Variants in ADAMTS9 observed in about 807,000 individuals in gnomAD.
ADAMTS9 encodes the protein ADAM metallopeptidase with thrombospondin type 1 motif 9.
ADAMTS9 carries 107 observed loss-of-function variants against 257.1 expected under a neutral mutation model. The ratio of observed to expected loss-of-function variants is 0.42; its 90% confidence interval spans 0.36 to 0.49. The LOEUF (loss-of-function observed/expected upper bound fraction) is 0.49, where lower values mean the gene tolerates loss of function less well. Among genes scored for constraint, ADAMTS9 ranks in the 20% least tolerant of loss-of-function variants. ADAMTS9 has a pLI of 0.03. For missense variants in ADAMTS9, 2,353 were observed against 2,469.1 expected, an observed-to-expected ratio of 0.95 and a Z score of 1.00; for synonymous variants, 982 against 880.9, an observed-to-expected ratio of 1.11 and a Z score of -2.03.
chr3:64,657,115 T>C (rs1054609706), intron 4 of ADAMTS9, among the ~76,000 whole-genome samples: 1 of 152,098 alleles, frequency 6.6e-6, no homozygotes, highest in South Asian at 2.1e-4. Flanking sequence ...GCGAACATGT[T>C]TGCATAAGAA....
chr3:64,613,536 G>C (rs1161326720), intron 21 of ADAMTS9, 27 bp from the exon 22 acceptor site: 1 of 1,601,588 alleles, frequency 6.2e-7, no homozygotes, highest in Non-Finnish European at 8.5e-7. Context: ...AGCTAGTCAG[G>C]GTCATTTCTG....
intron 30 of ADAMTS9, among the ~76,000 whole-genome samples, chr3:64,558,931 G>A (rs535555912): frequency 1.8e-4 from 27 of 152,134 alleles, no homozygotes; most frequent in Admixed American, 1.6e-3. Context: ...AAGTGGAAAC[G>A]TGTGCCTGCA....
At chr3:64,665,960 G>A (rs61291706) in intron 3 of ADAMTS9, among the ~76,000 whole-genome samples, 1,649 of 152,166 alleles carry the variant, frequency 0.011, 24 homozygotes, top group African/African-American at 0.038. Flanking sequence ...AAATTCACTC[G>A]TGGAACATCG....
Position 64,539,213 on chromosome 3 carries a change from T to G in ADAMTS9, c.5603A>C (p.Lys1868Thr). Residue 1868 changes from lysine (K) to threonine (T), a missense_variant, in exon 37 of 40, where the codon AAG (lysine) becomes ACG (threonine). This residue lies in a region of ADAMTS9 where 1,402 missense variants were observed against 1,441.4 expected (regional missense o/e 0.97). Coordinates refer to ENST00000498707, the MANE Select transcript of ADAMTS9 (RefSeq NM_182920.2). Reference sequence around the variant, plus strand: ...GCACCAAGGACATACCTGTGGGCACTTGGCAGCGCTGTAGCAATCCCCGGC... The same window carrying G: ...GCACCAAGGACATACCTGTGGGCACGTGGCAGCGCTGTAGCAATCCCCGGC... ...ATAGDCYSAAKCPQGRFSINL... is the reference protein window; with the variant it reads ...ATAGDCYSAATCPQGRFSINL... 1 of 1,613,798 alleles carries G rather than the reference T, an allele frequency of 6.2e-7. No individual in the cohort carries two copies. The highest frequency in any genetic ancestry group is 8.5e-7 in the Non-Finnish European group (1 of 1,179,740).
chr3:64,683,973 T>C lies in ADAMTS9; in HGVS notation c.516+2595A>G, dbSNP rs1322194706. ...AAAAGGTCTTCTGGGAAAGAAGAGA[T>C]ATAAATTATATACACCTCCAAAGAA... On this transcript the variant is annotated intron_variant, in intron 2 of 39. Transcript: ENST00000498707. Among the ~76,000 whole-genome samples the C allele has an allele frequency of 2.0e-5, 3 of 152,012 alleles. No homozygotes were observed. The East Asian group carries it at 5.8e-4, about 30-fold the overall frequency.
Position 64,648,084 on chromosome 3 carries a change from T to A in ADAMTS9, c.1606-40A>T, listed in dbSNP as rs181605500. ...GAAATGGCAATTGAGTGACAAGTGA[T>A]TTATTTGGCAGTATCAAACAAAGCA... On this transcript the variant is annotated intron_variant, in intron 10 of 39. Coordinates refer to ENST00000498707, the MANE Select transcript of ADAMTS9 (RefSeq NM_182920.2). 875 of 1,562,578 alleles carry A rather than the reference T, an allele frequency of 5.6e-4. 6 individuals carry two copies. The African/African-American group carries it at 0.01, about 18-fold the overall frequency.
chr3:64,655,724 T>G (rs745522504), intron 5 of ADAMTS9, 33 bp from the exon 6 acceptor site: 27 of 1,596,130 alleles, frequency 1.7e-5, no homozygotes, highest in Non-Finnish European at 2.2e-5. Flanking sequence ...GTTAATCTGT[T>G]GTACCGATCC....
chr3:64,622,604 G>A lies in ADAMTS9; in HGVS notation c.2390-18C>T. 6.2e-7 allele frequency: 1 copy of A among 1,612,792 alleles called. No individual in the cohort carries two copies. Among genetic ancestry groups the A allele is most frequent in the Non-Finnish European group, 8.5e-7 (1 of 1,179,460 alleles). On this transcript the variant is annotated intron_variant, in intron 16 of 39. Transcript: ENST00000498707. The stretch of plus-strand genomic sequence containing the variant: ...TGATAAAGCTGTAGGTGAAGAAACA[G>A]AATAATACATTGATCTGCTGTCAAT...
chr3:64,670,512 AG>A (rs1701462018), intron 3 of ADAMTS9, among the ~76,000 whole-genome samples: 1 of 152,214 alleles, frequency 6.6e-6, no homozygotes. Flanking sequence ...CGGTGCATGA[AG>A]TATTGGCGAT....
intron 11 of ADAMTS9, among the ~76,000 whole-genome samples, chr3:64,643,175 C>T (rs886409805): frequency 6.6e-5 from 10 of 152,168 alleles, no homozygotes; most frequent in Admixed American, 2.0e-4. Context: ...GGGACTACGT[C>T]GCTCTCTGGA....
chr3:64,551,413 A>G (rs530344787), intron 30 of ADAMTS9, among the ~76,000 whole-genome samples: 99 of 152,022 alleles, frequency 6.5e-4, no homozygotes, highest in African/African-American at 2.3e-3. Flanking sequence ...GTTTCACAGT[A>G]TTAGCCAGGA....
At position 64,561,771 on chromosome 3, in the gene ADAMTS9, A is replaced by G; in HGVS notation, c.4525-20T>C. ...AGAGCACTAAGAAGACAGAGAACGT[A>G]AGTGGGAGCTTCGGCTCATTTATTT... On this transcript the variant is annotated intron_variant, in intron 29 of 39. Coordinates refer to ENST00000498707, the MANE Select transcript of ADAMTS9 (RefSeq NM_182920.2). The G allele has an allele frequency of 1.3e-6, 2 of 1,493,786 alleles. No individual in the cohort carries two copies. The highest frequency in any genetic ancestry group is 1.8e-6 in the Non-Finnish European group (2 of 1,101,506). 92.5% of individuals were successfully genotyped at this position (1,493,786 alleles called of 1,614,324 possible).
At chr3:64,681,415 AG>A (rs1443908536) in intron 2 of ADAMTS9, 52 bp from the exon 3 acceptor site, 2 of 1,544,472 alleles carry the variant, frequency 1.3e-6, no homozygotes, top group Non-Finnish European at 1.7e-6. Flanking sequence ...AGTCATTGGG[AG>A]GAAAAAAACC....
intron 31 of ADAMTS9, chr3:64,550,055 A>G (rs1475006987): frequency 1.3e-5 from 2 of 152,148 alleles, no homozygotes; most frequent in Non-Finnish European, 2.9e-5. Context: ...GAATCTCTAA[A>G]TGCTTTTGGG....
chr3:64,610,641 GAT>G (rs1196375510), intron 22 of ADAMTS9, among the ~76,000 whole-genome samples: 1 of 152,050 alleles, frequency 6.6e-6, no homozygotes, highest in African/African-American at 2.4e-5. Context: ...ACCATAGTAA[GAT>G]AAATTTATCT....
rs1203536982 is a variant in ADAMTS9 at position 64,541,391 on chromosome 3, A to T, written c.5316T>A (p.Ser1772=). 1.9e-6 allele frequency: 3 copies of T among 1,614,166 alleles called. No individual in the cohort carries two copies. The highest frequency in any genetic ancestry group is 2.5e-6 in the Non-Finnish European group (3 of 1,180,016). The change falls in exon 35 of 40, where the codon TCT becomes TCA. Residue 1772 remains serine (S), a synonymous_variant. Coordinates refer to ENST00000498707, the MANE Select transcript of ADAMTS9 (RefSeq NM_182920.2). ...GTGTCACGTACTCTTTGGGGTGGTC[A>T]GAGTGCATCCCCGCACAGAATATCT... ...LLKIFCAGMH[S]DHPKEYVTLV... is the part of the protein sequence containing the mutation.
intron 3 of ADAMTS9, among the ~76,000 whole-genome samples, chr3:64,669,742 G>C (rs1487972439): frequency 3.3e-5 from 5 of 152,252 alleles, no homozygotes; most frequent in African/African-American, 1.2e-4. Context: ...CTCCAAAAGA[G>C]AGAGAACAAC....
intron 19 of ADAMTS9, among the ~76,000 whole-genome samples, chr3:64,620,809 C>T (rs1356099676): frequency 3.3e-5 from 5 of 152,112 alleles, no homozygotes; most frequent in Admixed American, 6.5e-5. Flanking sequence ...CAAGTTTTCA[C>T]GTACAATGTG....
chr3:64,554,857 G>C (rs2083311801), intron 30 of ADAMTS9, among the ~76,000 whole-genome samples: 3 of 152,168 alleles, frequency 2.0e-5, no homozygotes. Context: ...CCCTGAAGGT[G>C]GTATTTTATT....
Sources: gnomAD v4.1 joint callset for allele counts (sites outside exome capture counted in the v4.1 genomes callset) on GRCh38, gnomAD v4.1.1 for gene constraint, gnomAD v4.1.1 regional missense constraint, MANE v1.5 for transcripts, NCBI Gene and HGNC (gene_info 2026-07-23, HGNC 2026-07-21) for gene names.